WWP2: variants seen among roughly 807,000 people sequenced by gnomAD.
WWP2 encodes NEDD4-like E3 ubiquitin-protein ligase WWP2.
In WWP2, 57 loss-of-function variants were observed where a neutral mutation model predicts 121.0. The ratio of observed to expected loss-of-function variants is 0.47; its 90% confidence interval spans 0.38 to 0.59. The LOEUF (loss-of-function observed/expected upper bound fraction) is 0.59, where lower values mean the gene tolerates loss of function less well. Ranked by LOEUF, WWP2 falls within the 20% of genes least tolerant of loss-of-function variation. The probability of loss-of-function intolerance (pLI) is 0.00; values close to 1 mark genes in which losing one functional copy is unlikely to be tolerated. For synonymous variants in WWP2, 449 were observed against 441.3 expected, an observed-to-expected ratio of 1.02 and a Z score of -0.22; for missense variants, 962 against 1,158.9, an observed-to-expected ratio of 0.83 and a Z score of 2.47.
In WWP2 at chr16:69,936,349, T is replaced by G; in HGVS notation, c.2014T>G (p.Phe672Val). 6.2e-7 allele frequency: 1 copy of G among 1,614,046 alleles called. No homozygotes were observed. The highest frequency in any genetic ancestry group is 8.5e-7 in the Non-Finnish European group (1 of 1,180,006). The change falls in exon 19 of 24, where the codon TTC becomes GTC. Residue 672 changes from phenylalanine (F) to valine (V), a missense_variant. Phe to Val is a conservative substitution (Grantham distance 50, BLOSUM62 -1). This residue lies in a region of WWP2 where 606 missense variants were observed against 772.6 expected (regional missense o/e 0.78). Coordinates refer to ENST00000359154, the MANE Select transcript of WWP2 (RefSeq NM_001270454.2). ...GGAAGAATGTGGCCTGGAGCTGTAC[T>G]TCATCCAGGACATGGAGATACTGGG... The part of the protein sequence containing the change: ...NLEECGLELY[F>V]IQDMEILGKV...
At chr16:69,877,137 A>G (rs966098207) in intron 7 of WWP2, among the ~76,000 whole-genome samples, 3 of 152,218 alleles carry the variant, frequency 2.0e-5, no homozygotes, top group African/African-American at 7.2e-5. Flanking sequence ...TCTTCTTGCA[A>G]TAGAAGGCTC....
At chr16:69,855,186 C>G (rs968928316) in intron 6 of WWP2, among the ~76,000 whole-genome samples, 1 of 152,198 alleles carries the variant, frequency 6.6e-6, no homozygotes, top group Non-Finnish European at 1.5e-5. Context: ...AGTAACAGAA[C>G]TAAAATCTAG....
At chr16:69,938,965 G>A (rs983760373) in intron 21 of WWP2, 62 bp from the exon 22 acceptor site, 282 of 1,494,698 alleles carry the variant, frequency 1.9e-4, no homozygotes, top group Non-Finnish European at 1.0e-4. Flanking sequence ...AGAGCTCCAC[G>A]TTCGGGCAAA....
At chr16:69,866,899 G>A (rs895477967) in intron 6 of WWP2, among the ~76,000 whole-genome samples, 2 of 151,834 alleles carry the variant, frequency 1.3e-5, no homozygotes, top group African/African-American at 4.8e-5. Context: ...ATGCAGTGGT[G>A]CGATCTTGGC....
rs571465972 is a variant in WWP2, at chr16:69,785,293, G to A, written c.-15-1703G>A. Among the ~76,000 whole-genome samples, 18 of 151,964 alleles carry A rather than the reference G, an allele frequency of 1.2e-4. No homozygotes were observed. In the East Asian group the frequency reaches 2.9e-3, roughly 24 times the overall value. ...GATGGAAGGAGGGAGGAAGGGGAGC[G>A]GATATGAGTTTTTAAGTGAAAGGTT... On this transcript the variant is annotated intron_variant, in intron 1 of 23. Transcript: ENST00000359154.
intron 1 of WWP2, among the ~76,000 whole-genome samples, chr16:69,766,585 A>G (rs2038735523): frequency 6.6e-6 from 1 of 151,930 alleles, no homozygotes; most frequent in South Asian, 2.1e-4. Flanking sequence ...CTCCAGCCAC[A>G]CTGGCCTCCT....
chr16:69,876,978 T>G (rs1378592211), intron 7 of WWP2, among the ~76,000 whole-genome samples: 1 of 152,152 alleles, frequency 6.6e-6, no homozygotes, highest in Non-Finnish European at 1.5e-5. Flanking sequence ...GCATAATTGA[T>G]AAGGGCCCTA....
chr16:69,848,450 CAA>C (rs201577619), intron 6 of WWP2, among the ~76,000 whole-genome samples: 2 of 132,224 alleles, frequency 1.5e-5, no homozygotes, highest in Admixed American at 7.7e-5. Context: ...AGCTCCATCT[CAA>C]AAAAAAAAAA....
At chr16:69,901,897 G>A (rs1332770144) in intron 8 of WWP2, among the ~76,000 whole-genome samples, 2 of 152,202 alleles carry the variant, frequency 1.3e-5, no homozygotes, top group South Asian at 2.1e-4. Context: ...GTTACAGTGA[G>A]TTGAGATTGC....
chr16:69,810,280 G>C (rs1487148137), intron 4 of WWP2, among the ~76,000 whole-genome samples: 3 of 140,366 alleles, frequency 2.1e-5, no homozygotes, highest in Non-Finnish European at 4.6e-5. Context: ...TGGTCAACCT[G>C]GGCTGACTTC....
intron 7 of WWP2, among the ~76,000 whole-genome samples, chr16:69,880,605 T>A (rs2057810265): frequency 6.6e-6 from 1 of 152,230 alleles, no homozygotes; most frequent in South Asian, 2.1e-4. Flanking sequence ...TGCTCCTTTT[T>A]TCCTCACGTA....
In WWP2 at chr16:69,935,136, C is replaced by G. The variant is rs1362469606; in HGVS notation, c.1843-717C>G. 6.6e-6 allele frequency among the ~76,000 whole-genome samples: 1 copy of G among 152,190 alleles called. No individual in the cohort carries two copies. The highest frequency in any genetic ancestry group is 6.5e-5 in the Admixed American group (1 of 15,276). On this transcript the variant is annotated intron_variant, in intron 17 of 23. Coordinates refer to ENST00000359154, the MANE Select transcript of WWP2 (RefSeq NM_001270454.2). This position sits in a 1 kb window ranked among gnomAD's most constrained non-coding sequence, Gnocchi z 5.2. ...CCCGTGGGAGGCACAGCGCGGGAGCCACATGCATAGCTGGAGATGTTTCAA... is the reference window on the plus strand; with the variant it reads ...CCCGTGGGAGGCACAGCGCGGGAGCGACATGCATAGCTGGAGATGTTTCAA...
intron 7 of WWP2, among the ~76,000 whole-genome samples, chr16:69,873,317 C>T (rs1285749237): frequency 3.9e-5 from 6 of 152,198 alleles, no homozygotes; most frequent in Non-Finnish European, 8.8e-5. Flanking sequence ...GCCTGGGTAC[C>T]CTGTCATCTT....
intron 7 of WWP2, among the ~76,000 whole-genome samples, chr16:69,880,653 C>T (rs2057810817): frequency 6.6e-6 from 1 of 152,218 alleles, no homozygotes; most frequent in Non-Finnish European, 1.5e-5. Context: ...TCACTCATCC[C>T]ATGCCGTGCT....
chr16:69,816,313 T>C (rs80150886), intron 4 of WWP2, among the ~76,000 whole-genome samples: 1,869 of 151,928 alleles, frequency 0.012, 37 homozygotes, highest in African/African-American at 0.043. Context: ...CCCAGTGCAG[T>C]GGCTCACGCT....
chr16:69,871,876 C>T lies in WWP2; in HGVS notation c.648C>T (p.Ser216=), dbSNP rs2057644878. ...ATGEQSPGAR[S]RHRQPVKNSG... ...GCGAGCAAAGCCCCGGTGCTCGGAG[C>T]CGGCACCGCCAGCCCGTCAAGAACT... Residue 216 remains serine (S), a synonymous_variant, in exon 7 of 24, where the codon AGC becomes AGT. Transcript: ENST00000359154. 1 of 1,613,940 alleles carries T rather than the reference C, an allele frequency of 6.2e-7. No individual in the cohort carries two copies. The highest frequency in any genetic ancestry group is 1.3e-5 in the African/African-American group (1 of 74,930).
At chr16:69,841,454 G>C (rs912735835) in intron 5 of WWP2, among the ~76,000 whole-genome samples, 1 of 152,094 alleles carries the variant, frequency 6.6e-6, no homozygotes, top group African/African-American at 2.4e-5. Flanking sequence ...GGCAGTCAGC[G>C]TGGTTGGATT....
chr16:69,898,443 C>T (rs769625340), intron 8 of WWP2, among the ~76,000 whole-genome samples: 6 of 152,170 alleles, frequency 3.9e-5, no homozygotes, highest in Admixed American at 6.5e-5. Context: ...ATTCATACTC[C>T]TGTGAGCATG....
chr16:69,793,911 C>CTTTTTTTTTTTTTTT, intron 2 of WWP2, among the ~76,000 whole-genome samples: 1 of 62,310 alleles, frequency 1.6e-5, no homozygotes, highest in Non-Finnish European at 2.9e-5. Flanking sequence ...ATTATCCTTG[C>CTTTTTTTTTTTTTTT]TTTTTTTTTT....
Sources: allele counts gnomAD v4.1 joint callset (sites outside exome capture counted in the v4.1 genomes callset), GRCh38; gene constraint gnomAD v4.1.1; regional missense constraint gnomAD v4.1.1; non-coding constraint Gnocchi (gnomAD v3.1); transcripts MANE v1.5; gene names NCBI Gene and HGNC (gene_info 2026-07-23, HGNC 2026-07-21).